FHIT: variants seen among roughly 807,000 people sequenced by gnomAD.
The protein encoded by FHIT is bis(5'-adenosyl)-triphosphatase.
FHIT carries 19 observed loss-of-function variants against 17.9 expected under a neutral mutation model. The observed-to-expected ratio is 1.06, with a 90% CI of 0.74 to 1.56. FHIT has a LOEUF of 1.56. FHIT is among the 40% of genes most tolerant of loss of function. The pLI is 0.00. For synonymous variants in FHIT, 81 were observed against 69.7 expected (o/e 1.16, Z -0.81); for missense variants, 248 against 189.2 (o/e 1.31, Z -1.82).
chr3:60,205,080 T>A (rs1433668257), intron 5 of FHIT, among the ~76,000 whole-genome samples: 2 of 148,272 alleles, frequency 1.3e-5, no homozygotes, highest in Admixed American at 1.3e-4. Flanking sequence ...TGGGTGACAA[T>A]GAGACCCTGC....
chr3:61,246,376 G>T (rs546211079), intron 1 of FHIT, among the ~76,000 whole-genome samples: 1 of 151,824 alleles, frequency 6.6e-6, no homozygotes, highest in African/African-American at 2.4e-5. Flanking sequence ...CCCTTTCTGG[G>T]AACAAGAACA....
intron 4 of FHIT, among the ~76,000 whole-genome samples, chr3:60,582,491 G>A (rs1221748919): frequency 1.3e-5 from 2 of 152,032 alleles, no homozygotes; most frequent in African/African-American, 4.8e-5. Context: ...CCACTGGAGG[G>A]CAGTCTCCTC....
intron 5 of FHIT, among the ~76,000 whole-genome samples, chr3:60,165,775 G>C (rs1005352063): frequency 6.6e-6 from 1 of 152,114 alleles, no homozygotes; most frequent in African/African-American, 2.4e-5. Context: ...AAAGGACATT[G>C]GTAGAAGCAA....
intron 5 of FHIT, among the ~76,000 whole-genome samples, chr3:60,070,573 GACAA>G (rs71997853): frequency 0.07 from 10,726 of 152,216 alleles, 424 homozygotes; most frequent in African/African-American, 0.11. Flanking sequence ...GATTAGGGAA[GACAA>G]ACAAAGATTT....
At chr3:59,751,802 C>T (rs1031920993) in intron 9 of FHIT, 4 of 237,886 alleles carry the variant, frequency 1.7e-5, no homozygotes, top group African/African-American at 8.8e-5. Context: ...GTTAGGGAGG[C>T]AGAGAAAGCT....
intron 3 of FHIT, among the ~76,000 whole-genome samples, chr3:60,831,338 ACTT>A (rs1435820062): frequency 1.7e-4 from 26 of 152,212 alleles, no homozygotes; most frequent in African/African-American, 4.6e-4. Flanking sequence ...CTGAAAGAGA[ACTT>A]CTTATAATGC....
At chr3:60,961,577 C>A (rs1553780851) in intron 3 of FHIT, among the ~76,000 whole-genome samples, 1 of 152,174 alleles carries the variant, frequency 6.6e-6, no homozygotes, top group African/African-American at 2.4e-5. Flanking sequence ...ACATTTAAGT[C>A]TTTAATCCAC....
intron 5 of FHIT, among the ~76,000 whole-genome samples, chr3:60,179,214 TA>T (rs1701815449): frequency 1.3e-5 from 2 of 152,296 alleles, no homozygotes; most frequent in South Asian, 4.1e-4. Context: ...TAGGTATCAT[TA>T]TTCTCTTTTA....
intron 4 of FHIT, among the ~76,000 whole-genome samples, chr3:60,549,284 A>T (rs902525662): frequency 1.3e-5 from 2 of 152,174 alleles, no homozygotes; most frequent in South Asian, 2.1e-4. Context: ...TTAGAGGTAG[A>T]GCAGTGTCAA....
intron 8 of FHIT, among the ~76,000 whole-genome samples, chr3:59,833,522 CACA>C (rs993529504): frequency 1.3e-5 from 2 of 152,130 alleles, no homozygotes; most frequent in African/African-American, 2.4e-5. Context: ...CTACCAACAC[CACA>C]ACTTCAGACT....
At chr3:60,315,965 A>G (rs915873888) in intron 5 of FHIT, among the ~76,000 whole-genome samples, 8 of 152,320 alleles carry the variant, frequency 5.3e-5, no homozygotes, top group Admixed American at 2.0e-4. Context: ...GCTGCATTAA[A>G]TTAAGCAATT....
chr3:61,021,503 G>GCAGGAGCCTCA (rs1245755168), intron 3 of FHIT, among the ~76,000 whole-genome samples: 1 of 145,494 alleles, frequency 6.9e-6, no homozygotes, highest in Non-Finnish European at 1.5e-5. Flanking sequence ...GGAGGCTGAG[G>GCAGGAGCCTCA]CAGGAGAATG....
In FHIT at chr3:60,569,935, C is replaced by T. The variant is rs543466025; in HGVS notation, c.-17-32956G>A. Among the ~76,000 whole-genome samples the T allele has an allele frequency of 5.3e-5, 8 of 151,524 alleles. No individual in the cohort carries two copies. In the South Asian group the frequency reaches 1.7e-3, roughly 32 times the overall value. ...AATTCACCCATTGATGTAATTCACC[C>T]AAATGATACAATTCAATGGTTTTTA... On this transcript the variant is annotated intron_variant, in intron 4 of 9. Transcript: ENST00000492590.
chr3:61,097,572 T>C (rs1343866308), intron 2 of FHIT, among the ~76,000 whole-genome samples: 1 of 152,194 alleles, frequency 6.6e-6, no homozygotes, highest in East Asian at 1.9e-4. Context: ...CCACCAACAG[T>C]GCATAAGCAT....
intron 2 of FHIT, among the ~76,000 whole-genome samples, chr3:61,102,472 A>G (rs1412983846): frequency 3.3e-5 from 5 of 152,032 alleles, no homozygotes; most frequent in Non-Finnish European, 7.4e-5. Context: ...TTTATTGAGG[A>G]TTTCTGCATC....
chr3:61,245,896 C>T (rs1372553853), intron 1 of FHIT, among the ~76,000 whole-genome samples: 2 of 152,158 alleles, frequency 1.3e-5, no homozygotes, highest in African/African-American at 4.8e-5. Context: ...CTGAGATCTA[C>T]TAGGCTGCAT....
At chr3:60,567,013 T>A (rs1300247304) in intron 4 of FHIT, among the ~76,000 whole-genome samples, 1 of 148,302 alleles carries the variant, frequency 6.7e-6, no homozygotes, top group East Asian at 2.0e-4. Context: ...AGAATCAATA[T>A]CGTGAAAATG....
At chr3:60,258,360 C>A (rs779646056) in intron 5 of FHIT, among the ~76,000 whole-genome samples, 2 of 152,048 alleles carry the variant, frequency 1.3e-5, no homozygotes, top group Admixed American at 1.3e-4. Context: ...CCTTGTTTAG[C>A]GGCCTCTCTA....
intron 8 of FHIT, among the ~76,000 whole-genome samples, chr3:59,912,156 ATGCTAATGTCAT>A (rs1704910193): frequency 6.6e-6 from 1 of 152,228 alleles, no homozygotes; most frequent in Non-Finnish European, 1.5e-5. Flanking sequence ...ACTCATCAGT[ATGCTAATGTCAT>A]TATCATATCA....
Sources: allele counts gnomAD v4.1 joint callset (sites outside exome capture counted in the v4.1 genomes callset), GRCh38; gene constraint gnomAD v4.1.1; transcripts MANE v1.5; gene names NCBI Gene and HGNC (gene_info 2026-07-23, HGNC 2026-07-21).